Variants in ZNF853 observed in about 807,000 individuals in gnomAD.
ZNF853 encodes the protein zinc finger protein 853.
Under a neutral mutation model 94.7 loss-of-function variants are expected in ZNF853, and 57 were observed. The ratio of observed to expected loss-of-function variants is 0.60; its 90% CI spans 0.49 to 0.75. ZNF853 has a LOEUF of 0.75. Among genes scored for constraint, ZNF853 ranks in the 30% least tolerant of loss-of-function variants. The probability of loss-of-function intolerance (pLI) is 0.00; values close to 1 mark genes in which losing one functional copy is unlikely to be tolerated. For synonymous variants in ZNF853, 448 were observed against 406.3 expected, an observed-to-expected ratio of 1.10 and a Z score of -1.23; for missense variants, 785 against 868.9, an observed-to-expected ratio of 0.90 and a Z score of 1.21.
chr7:6,623,297 C>G lies in ZNF853; in HGVS notation c.*326C>G. 7.5e-6 allele frequency: 3 copies of G among 398,556 alleles called. No homozygotes were observed. Among genetic ancestry groups the G allele is most frequent in the Non-Finnish European group, 1.3e-5 (3 of 226,082 alleles). 24.7% of individuals were successfully genotyped at this position (398,556 alleles called of 1,614,324 possible). A position where few individuals can be genotyped will look rare whatever the true frequency, so the allele number is the denominator to read the frequency against. On this transcript the variant is annotated 3_prime_UTR_variant, in exon 3 of 3. Transcript: ENST00000457543. ...GACTTACTACGAACGAGGAAAAACC[C>G]CCAGTGGCGAGACGATTAATGACAC... is the stretch of plus-strand genomic sequence containing the variant.
Position 6,623,041 on chromosome 7 carries a change from C to T in ZNF853, c.*70C>T. ...GCCTCCACCTGAAAAGCTCCTTGAC[C>T]CGGGTTCATGGGCGCTGGAGGCGTC... On this transcript the variant is annotated 3_prime_UTR_variant, in exon 3 of 3. Coordinates refer to ENST00000457543, the MANE Select transcript of ZNF853 (RefSeq NM_017560.3). 8.2e-7 allele frequency: 1 copy of T among 1,224,426 alleles called. No homozygotes were observed. Among genetic ancestry groups the T allele is most frequent in the African/African-American group, 1.6e-5 (1 of 64,344 alleles). 75.8% of individuals were successfully genotyped at this position (1,224,426 alleles called of 1,614,324 possible).
Position 6,623,540 on chromosome 7 carries a change from G to T in ZNF853, c.*569G>T. 1 of 392,896 alleles carries T rather than the reference G, an allele frequency of 2.5e-6. No individual in the cohort carries two copies. Among genetic ancestry groups the T allele is most frequent in the Non-Finnish European group, 4.5e-6 (1 of 223,012 alleles). The allele number at this position is 392,896 out of a possible 1,614,324, so 24.3% of individuals were successfully genotyped here. ...AATTCATCAGGGTGGGTATAATTCT[G>T]ATGAAAACGCCTGTGTTCATCAACA... On this transcript the variant is annotated 3_prime_UTR_variant, in exon 3 of 3. Transcript: ENST00000457543.
chr7:6,617,279 TG>T lies in ZNF853; in HGVS notation c.107del (p.Gly36AlafsTer59). Reference protein sequence around the residue: ...FVLELQCLEDGGPGPDTLSGG... With the variant: ...FVLELQCLEDXGPGPDTLSGG... ...TGCTGGAACTTCAATGTCTTGAGGA[TG>T]GGGGCCCAGGGCCTGACACCCTCTC... On this transcript the variant is annotated frameshift_variant, in exon 2 of 3. Coordinates refer to ENST00000457543, the MANE Select transcript of ZNF853 (RefSeq NM_017560.3). LOFTEE classifies it high-confidence loss of function. 2 of 1,508,920 alleles carry T rather than the reference TG, an allele frequency of 1.3e-6. No homozygotes were observed. The allele number at this position is 1,508,920 out of a possible 1,614,324, so 93.5% of individuals were successfully genotyped here. A position where few individuals can be genotyped will look rare whatever the true frequency, so the allele number is the denominator to read the frequency against.
chr7:6,621,569 A>AG lies in ZNF853; in HGVS notation c.579dup (p.Leu194AlafsTer317). The AG allele has an allele frequency of 6.4e-7, 1 of 1,551,654 alleles. No homozygotes were observed. The highest frequency in any genetic ancestry group is 8.7e-7 in the Non-Finnish European group (1 of 1,146,952). ...CAACAGGTATTGCAGCAGCAGGAACAGCTACAGCAGCAAGTGCAAGAGCAA... is the reference window on the plus strand; with the variant it reads ...CAACAGGTATTGCAGCAGCAGGAACAGGCTACAGCAGCAAGTGCAAGAGCAA... On this transcript the variant is annotated frameshift_variant, in exon 3 of 3. Transcript: ENST00000457543. LOFTEE classifies it high-confidence loss of function.
rs1157259296 is a variant in ZNF853 at position 6,623,919 on chromosome 7, C to T, written c.*948C>T. On this transcript the variant is annotated 3_prime_UTR_variant, in exon 3 of 3. Transcript: ENST00000457543. ...CCCGGGGAGACCAGGGCAGATTTCTCCCGCACCAGGCTGTGGAGGTTTGGA... is the reference window on the plus strand; with the variant it reads ...CCCGGGGAGACCAGGGCAGATTTCTTCCGCACCAGGCTGTGGAGGTTTGGA... 2 of 152,394 alleles carry T rather than the reference C, an allele frequency of 1.3e-5. No individual in the cohort carries two copies. The highest frequency in any genetic ancestry group is 6.5e-5 in the Admixed American group (1 of 15,288). 9.4% of individuals were successfully genotyped at this position (152,394 alleles called of 1,614,324 possible).
chr7:6,616,293 T>G, intron 1 of ZNF853, 107 bp downstream of exon 1: 1 of 1,181,970 alleles, frequency 8.5e-7, no homozygotes, highest in Middle Eastern at 2.0e-4. Flanking sequence ...GGGCCAGCTC[T>G]GCACGGGCCA....
At chr7:6,620,014 A>G in intron 2 of ZNF853, among the ~76,000 whole-genome samples, 2 of 152,224 alleles carry the variant, frequency 1.3e-5, no homozygotes, top group African/African-American at 4.8e-5. Context: ...ACCTTCAGAG[A>G]GAGGGAATTT....
At position 6,615,946 on chromosome 7, in the gene ZNF853, T is replaced by G. The variant is rs1782495491; in HGVS notation, c.-229T>G. On this transcript the variant is annotated 5_prime_UTR_variant, in exon 1 of 3. Coordinates refer to ENST00000457543, the MANE Select transcript of ZNF853 (RefSeq NM_017560.3). This position sits in a 1 kb window ranked among gnomAD's most constrained non-coding sequence, Gnocchi z 8.5. Reference sequence around the variant, plus strand: ...CCCCGCCGGAGAGTCTCCACCAACTTCTGCTCGGCCGCTCCTCTCAGCCCC... The same window carrying G: ...CCCCGCCGGAGAGTCTCCACCAACTGCTGCTCGGCCGCTCCTCTCAGCCCC... 1 of 442,338 alleles carries G rather than the reference T, an allele frequency of 2.3e-6. No homozygotes were observed. Among genetic ancestry groups the G allele is most frequent in the Non-Finnish European group, 4.0e-6 (1 of 247,300 alleles). 27.4% of individuals were successfully genotyped at this position (442,338 alleles called of 1,614,324 possible).
In ZNF853 at chr7:6,621,192, A is replaced by G; in HGVS notation, c.201A>G (p.Pro67=). ...PQERNSSPQR[P]AVSAPVGASE... ...AGAGGAACAGCAGTCCACAGCGGCC[A>G]GCAGTCTCGGCCCCAGTGGGGGCCA... The change falls in exon 3 of 3, where the codon CCA becomes CCG. Residue 67 remains proline (P), a synonymous_variant. Transcript: ENST00000457543. 6.6e-7 allele frequency: 1 copy of G among 1,514,482 alleles called. No individual in the cohort carries two copies. The highest frequency in any genetic ancestry group is 8.9e-7 in the Non-Finnish European group (1 of 1,129,598). 93.8% of individuals were successfully genotyped at this position (1,514,482 alleles called of 1,614,324 possible).
At chr7:6,616,377 G>A in intron 1 of ZNF853, among the ~76,000 whole-genome samples, 191 bp downstream of exon 1, 1 of 152,162 alleles carries the variant, frequency 6.6e-6, no homozygotes, top group African/African-American at 2.4e-5. Flanking sequence ...TGCCTTGCCC[G>A]GGAGCTGGGG....
At chr7:6,620,626 T>G in intron 2 of ZNF853, among the ~76,000 whole-genome samples, 7 of 151,640 alleles carry the variant, frequency 4.6e-5, no homozygotes, top group African/African-American at 9.7e-5. Context: ...TCTCTTTCTC[T>G]CTCTCTCTCT....
intron 1 of ZNF853, 117 bp from the exon 2 acceptor site, chr7:6,617,073 A>G: frequency 1.4e-6 from 1 of 697,640 alleles, no homozygotes; most frequent in Non-Finnish European, 2.3e-6. Context: ...GCAGGTATGG[A>G]GCTGACCGCT....
chr7:6,619,737 T>G, intron 2 of ZNF853, among the ~76,000 whole-genome samples: 1 of 152,144 alleles, frequency 6.6e-6, no homozygotes, highest in East Asian at 1.9e-4. Flanking sequence ...TCAAGTCACA[T>G]GTAGAAAGAA....
At position 6,616,730 on chromosome 7, in the gene ZNF853, G is replaced by A; in HGVS notation, c.13-460G>A. Among the ~76,000 whole-genome samples the A allele has an allele frequency of 1.0e-3, 150 of 149,294 alleles. 1 individual carries two copies. Among genetic ancestry groups the A allele is most frequent in the Non-Finnish European group, 1.3e-3 (90 of 67,374 alleles). ...AGCCTGGGTGACAGAGTGAGAATCC[G>A]TATCAAGAAAAAAAAAAAAAAGTAT... is the stretch of plus-strand genomic sequence containing the variant. On this transcript the variant is annotated intron_variant, in intron 1 of 2. Transcript: ENST00000457543.
intron 1 of ZNF853, 63 bp downstream of exon 1, chr7:6,616,249 C>A: frequency 2.0e-6 from 3 of 1,506,318 alleles, no homozygotes; most frequent in Non-Finnish European, 1.8e-6. Flanking sequence ...AGAGTTTGGA[C>A]TGGATGGCAC....
chr7:6,621,087 C>T, intron 2 of ZNF853, 35 bp from the exon 3 acceptor site: 1 of 1,461,100 alleles, frequency 6.8e-7, no homozygotes. Flanking sequence ...TCCTGTAGAT[C>T]TTTCTCTCTT....
In ZNF853 at chr7:6,622,704, C is replaced by T. The variant is rs771860868; in HGVS notation, c.1713C>T (p.Cys571=). The change falls in exon 3 of 3, where the codon TGC becomes TGT. Residue 571 remains cysteine (C), a synonymous_variant. Transcript: ENST00000457543. ...ACACCGGGGAGCGACCCTACGCCTG[C>T]GGGGACTGTGGCAAGCGCTTCAGCG... The part of the protein sequence containing the change: ...RTHTGERPYA[C]GDCGKRFSVS... The T allele has an allele frequency of 5.1e-6, 8 of 1,574,306 alleles. No individual in the cohort carries two copies. The highest frequency in any genetic ancestry group is 2.3e-5 in the South Asian group (2 of 86,826).
Position 6,615,643 on chromosome 7 carries a change from A to G in ZNF853, c.-532A>G, listed in dbSNP as rs1391903532. On this transcript the variant is annotated 5_prime_UTR_variant, in exon 1 of 3. Transcript: ENST00000457543. This position sits in a 1 kb window ranked among gnomAD's most constrained non-coding sequence, Gnocchi z 8.5. Reference sequence around the variant, plus strand: ...CCCGGCCAGCGGCCCGCACGGACGCACTCCCGGGCGGGCGGGCGAGCCCAG... The same window carrying G: ...CCCGGCCAGCGGCCCGCACGGACGCGCTCCCGGGCGGGCGGGCGAGCCCAG... 7.2e-6 allele frequency: 1 copy of G among 138,456 alleles called. No homozygotes were observed. The highest frequency in any genetic ancestry group is 1.6e-5 in the Non-Finnish European group (1 of 63,616). The allele number at this position is 138,456 out of a possible 1,614,324, so 8.6% of individuals were successfully genotyped here. A position where few individuals can be genotyped will look rare whatever the true frequency, so the allele number is the denominator to read the frequency against.
chr7:6,616,827 C>T, intron 1 of ZNF853, among the ~76,000 whole-genome samples: 1,982 of 152,192 alleles, frequency 0.013, 40 homozygotes, highest in African/African-American at 0.045. Context: ...CAGAGCTCCC[C>T]GCCCTGAATG....
Sources: allele counts gnomAD v4.1 joint callset (sites outside exome capture counted in the v4.1 genomes callset), GRCh38; gene constraint gnomAD v4.1.1; non-coding constraint Gnocchi (gnomAD v3.1); transcripts MANE v1.5; gene names NCBI Gene and HGNC (gene_info 2026-07-23, HGNC 2026-07-21).